The following KCNIP1 variants were observed in gnomAD, a reference collection of about 807,000 sequenced individuals.
The protein encoded by KCNIP1 is potassium voltage-gated channel interacting protein 1.
Under a neutral mutation model 33.0 loss-of-function variants are expected in KCNIP1, and 18 were observed. That is an observed-to-expected ratio of 0.55 (90% CI 0.38 to 0.81). The LOEUF (loss-of-function observed/expected upper bound fraction) is 0.81. Ranked by LOEUF, KCNIP1 falls within the 30% of genes least tolerant of loss-of-function variation. The pLI is 0.00. For missense variants in KCNIP1, 238 were observed against 271.6 expected, an observed-to-expected ratio of 0.88 and a Z score of 0.87; for synonymous variants, 93 against 98.3, an observed-to-expected ratio of 0.95 and a Z score of 0.32.
At chr5:170,604,362 C>G (rs1348754425) in intron 1 of KCNIP1, among the ~76,000 whole-genome samples, 1 of 152,110 alleles carries the variant, frequency 6.6e-6, no homozygotes, top group Non-Finnish European at 1.5e-5. Context: ...ATGCCAGAGC[C>G]CATGGGGACA....
rs145294180 is a variant in KCNIP1, at chr5:170,704,339, G to C, written c.62-14419G>C. 1.5e-5 allele frequency among the ~76,000 whole-genome samples: 2 copies of C among 134,612 alleles called. 1 individual carries two copies. The highest frequency in any genetic ancestry group is 6.3e-5 in the African/African-American group (2 of 31,920). The allele number at this position is 134,612 out of a possible 152,430, so 88.3% of individuals were successfully genotyped here. On this transcript the variant is annotated intron_variant, in intron 1 of 7. Transcript: ENST00000328939. Reference sequence around the variant, plus strand: ...AATTAAGTGAGATCATGTAAGCAAAGTACATGTCACAGTGCTCTGCAAATA... The same window carrying C: ...AATTAAGTGAGATCATGTAAGCAAACTACATGTCACAGTGCTCTGCAAATA...
At position 170,378,939 on chromosome 5, in the gene KCNIP1, T is replaced by C. The variant is rs1485714970; in HGVS notation, c.88+24975T>C. 6 of 1,614,008 alleles carry C rather than the reference T, an allele frequency of 3.7e-6. No individual in the cohort carries two copies. The Admixed American group carries it at 8.3e-5, about 22-fold the overall frequency. ...CTTCTCCACGTCGGCCCGGGCCGTC[T>C]GGTAATTGTCCACGCTGCCTGGGAT... is the stretch of plus-strand genomic sequence containing the variant. On this transcript the variant is annotated intron_variant, in intron 1 of 7. Coordinates refer to the KCNIP1 transcript ENST00000377360.
intron 1 of KCNIP1, among the ~76,000 whole-genome samples, chr5:170,528,694 G>A (rs185574740): frequency 2.6e-4 from 40 of 152,310 alleles, no homozygotes; most frequent in African/African-American, 9.4e-4. Context: ...CAGGAAATCT[G>A]TGGCCTATTC....
At chr5:170,722,971 G>A in intron 5 of KCNIP1, 151 bp downstream of exon 5, 1 of 599,292 alleles carries the variant, frequency 1.7e-6, no homozygotes, top group East Asian at 2.9e-5. Context: ...AATAAAGAAG[G>A]CCTCCCTCAT....
intron 1 of KCNIP1, among the ~76,000 whole-genome samples, chr5:170,478,988 A>G (rs1240667266): frequency 2.0e-5 from 3 of 152,168 alleles, no homozygotes; most frequent in African/African-American, 4.8e-5. Flanking sequence ...GACTTTGAAA[A>G]GGGGGATTGC....
intron 1 of KCNIP1, among the ~76,000 whole-genome samples, chr5:170,688,408 A>G (rs1331350817): frequency 6.6e-6 from 1 of 152,236 alleles, no homozygotes; most frequent in Non-Finnish European, 1.5e-5. Flanking sequence ...TGTTTTAAGT[A>G]TATCAATCTC....
intron 1 of KCNIP1, among the ~76,000 whole-genome samples, chr5:170,615,518 G>C (rs1412362678): frequency 6.6e-6 from 1 of 152,100 alleles, no homozygotes; most frequent in Non-Finnish European, 1.5e-5. Flanking sequence ...TCTGTCCTAG[G>C]AAAAGGCTCA....
chr5:170,671,145 A>G (rs1761906618), intron 1 of KCNIP1, among the ~76,000 whole-genome samples: 1 of 152,128 alleles, frequency 6.6e-6, no homozygotes, highest in Non-Finnish European at 1.5e-5. Context: ...ACACACACAC[A>G]TACACGCGCA....
intron 1 of KCNIP1, among the ~76,000 whole-genome samples, chr5:170,526,913 G>A (rs1318724010): frequency 1.3e-5 from 2 of 151,966 alleles, no homozygotes; most frequent in Non-Finnish European, 2.9e-5. Context: ...AGTAGACATG[G>A]GCTTTCACCA....
At chr5:170,467,211 G>C (rs563572485) in intron 1 of KCNIP1, among the ~76,000 whole-genome samples, 1 of 152,272 alleles carries the variant, frequency 6.6e-6, no homozygotes, top group East Asian at 1.9e-4. Flanking sequence ...AGGTAGACAG[G>C]AAAGTGACTA....
intron 1 of KCNIP1, among the ~76,000 whole-genome samples, chr5:170,487,487 A>T (rs1757122324): frequency 2.6e-5 from 4 of 151,842 alleles, no homozygotes; most frequent in Admixed American, 2.0e-4. Context: ...TAGCATGTTC[A>T]CAAGGTCATC....
At chr5:170,643,678 T>C (rs939665653) in intron 1 of KCNIP1, among the ~76,000 whole-genome samples, 4 of 152,220 alleles carry the variant, frequency 2.6e-5, no homozygotes, top group Admixed American at 2.6e-4. Flanking sequence ...TAGGGCAGGG[T>C]CCCTGCCTGT....
chr5:170,637,962 T>C (rs56653721), intron 1 of KCNIP1, among the ~76,000 whole-genome samples: 13,683 of 149,246 alleles, frequency 0.092, 1,155 homozygotes, highest in African/African-American at 0.22. Flanking sequence ...AGGGGAAAGA[T>C]TTGTCATTCT....
At chr5:170,462,264 C>CAAAAAAAAAAAAAAAAAAAAA (rs760686464) in intron 1 of KCNIP1, among the ~76,000 whole-genome samples, 4 of 52,036 alleles carry the variant, frequency 7.7e-5, no homozygotes, top group African/African-American at 2.3e-4. Flanking sequence ...AACAAATTAG[C>CAAAAAAAAAAAAAAAAAAAAA]AAAAAAAAAA....
intron 1 of KCNIP1, among the ~76,000 whole-genome samples, chr5:170,557,738 C>T (rs950613863): frequency 2.6e-5 from 4 of 151,992 alleles, no homozygotes; most frequent in Non-Finnish European, 4.4e-5. Flanking sequence ...GAAGAGTGCC[C>T]GAGTGTCTGG....
intron 1 of KCNIP1, among the ~76,000 whole-genome samples, chr5:170,528,979 C>G (rs908912051): frequency 2.6e-5 from 4 of 152,184 alleles, no homozygotes; most frequent in African/African-American, 9.7e-5. Context: ...CCCATAGTCT[C>G]TTTGTCAGAT....
chr5:170,449,924 T>C (rs1217122187), intron 1 of KCNIP1, among the ~76,000 whole-genome samples: 2 of 151,986 alleles, frequency 1.3e-5, no homozygotes. Flanking sequence ...TCAAACCTTC[T>C]TGGAAGGCCG....
At chr5:170,695,547 A>T (rs1762862432) in intron 1 of KCNIP1, among the ~76,000 whole-genome samples, 1 of 152,228 alleles carries the variant, frequency 6.6e-6, no homozygotes, top group Non-Finnish European at 1.5e-5. Flanking sequence ...ACACTGTCAT[A>T]CTTGATTCAT....
At chr5:170,507,116 G>A (rs7734708) in intron 1 of KCNIP1, among the ~76,000 whole-genome samples, 38,810 of 152,094 alleles carry the variant, frequency 0.26, 5,139 homozygotes, top group East Asian at 0.42. Context: ...TATGGTTGAT[G>A]CTCTCACCAG....
Sources: allele counts gnomAD v4.1 joint callset (sites outside exome capture counted in the v4.1 genomes callset), GRCh38; gene constraint gnomAD v4.1.1; transcripts MANE v1.5; gene names NCBI Gene and HGNC (gene_info 2026-07-23, HGNC 2026-07-21).